Variants in ZNF507 observed in about 807,000 individuals in gnomAD.
ZNF507 encodes the protein zinc finger protein 507.
In ZNF507, 29 loss-of-function variants were observed where a neutral mutation model predicts 80.0. That is an observed-to-expected ratio of 0.36 (90% confidence interval 0.27 to 0.49). The LOEUF (loss-of-function observed/expected upper bound fraction) is 0.49. Among genes scored for constraint, ZNF507 ranks in the 20% least tolerant of loss-of-function variants. The pLI is 0.98. For missense variants in ZNF507, 1,081 were observed against 1,152.2 expected, an observed-to-expected ratio of 0.94 and a Z score of 0.90; for synonymous variants, 462 against 422.5, an observed-to-expected ratio of 1.09 and a Z score of -1.15.
Position 32,382,864 on chromosome 19 carries a change from G to GA in ZNF507, c.2646dup (p.Leu883ThrfsTer6). 6.2e-7 allele frequency: 1 copy of GA among 1,614,124 alleles called. No individual in the cohort carries two copies. Among genetic ancestry groups the GA allele is most frequent in the Non-Finnish European group, 8.5e-7 (1 of 1,180,020 alleles). On this transcript the variant is annotated frameshift_variant, in exon 7 of 7. Transcript: ENST00000355898. LOFTEE classifies it high-confidence loss of function. ...AAGTTCTGGGTACCAACGAGAATGAGAAACTGAGCCCTACAAGTAATACCT... is the reference window on the plus strand; with the variant it reads ...AAGTTCTGGGTACCAACGAGAATGAGAAAACTGAGCCCTACAAGTAATACCT...
At chr19:32,352,344 A>G (rs1967180686) in intron 2 of ZNF507, among the ~76,000 whole-genome samples, 1 of 152,206 alleles carries the variant, frequency 6.6e-6, no homozygotes, top group Admixed American at 6.5e-5. Flanking sequence ...AACTGCAGCT[A>G]TATTTGGTAT....
At chr19:32,362,091 G>A (rs1245192296) in intron 5 of ZNF507, among the ~76,000 whole-genome samples, 3 of 152,046 alleles carry the variant, frequency 2.0e-5, no homozygotes, top group South Asian at 4.2e-4. Context: ...AATTAGAGAC[G>A]GGGTTTCGCC....
At chr19:32,382,268 T>G (rs1445070654) in intron 5 of ZNF507, 199 bp from the exon 6 acceptor site, 2 of 501,198 alleles carry the variant, frequency 4.0e-6, no homozygotes, top group Non-Finnish European at 3.4e-6. Flanking sequence ...CCTTCTTTCA[T>G]TGATTCTAGG....
intron 2 of ZNF507, among the ~76,000 whole-genome samples, chr19:32,351,441 G>GTT (rs1439302382): frequency 7.2e-6 from 1 of 139,128 alleles, no homozygotes; most frequent in East Asian, 2.1e-4. Flanking sequence ...GTGTGTGTGT[G>GTT]TGTGTGTGTG....
chr19:32,350,298 C>T (rs750177845), intron 2 of ZNF507, among the ~76,000 whole-genome samples: 2 of 151,394 alleles, frequency 1.3e-5, no homozygotes, highest in Non-Finnish European at 2.9e-5. Flanking sequence ...TGTTTCCTGA[C>T]GTATTTCATG....
intron 5 of ZNF507, chr19:32,382,141 A>G (rs1967631522): frequency 5.0e-6 from 1 of 201,730 alleles, no homozygotes; most frequent in African/African-American, 2.3e-5. Flanking sequence ...ATGATTAAAT[A>G]ATTTAGAGCA....
chr19:32,360,591 G>A lies in ZNF507; in HGVS notation c.2333G>A (p.Arg778Gln), dbSNP rs555288271. The change falls in exon 5 of 7, where the codon CGA (arginine) becomes CAA (glutamine). Residue 778 changes from arginine (R) to glutamine (Q), a missense_variant. Arg to Gln is a conservative substitution (Grantham distance 43). Transcript: ENST00000355898. ...TATGTTGGTGTCAGAAACCACAGGC[G>A]AATCCATAACTCTGATAAGCCGTAC... ...TTYVGVRNHR[R>Q]IHNSDKPYRC... is the part of the protein sequence containing the mutation. The A allele has an allele frequency of 2.3e-5, 37 of 1,601,204 alleles. No individual in the cohort carries two copies. The highest frequency in any genetic ancestry group is 3.3e-4 in the Middle Eastern group (2 of 6,062).
chr19:32,352,984 A>G lies in ZNF507; in HGVS notation c.154A>G (p.Ser52Gly), dbSNP rs1278872072. The stretch of plus-strand genomic sequence containing the variant: ...ATTAATCCATGTTATCCAGAAGTTA[A>G]GCAAGATAGTGGAAAATGAAAAGTC... ...DPLIHVIQKL[S>G]KIVENEKSQK... Residue 52 changes from serine to glycine, a missense_variant, in exon 3 of 7, where the codon AGC (serine) becomes GGC (glycine). Around this residue, in one of 6 missense-constraint regions of ZNF507, gnomAD observed 275 missense variants for 303.9 expected, o/e 0.90. Coordinates refer to ENST00000355898, the MANE Select transcript of ZNF507 (RefSeq NM_001136156.2). 6.2e-7 allele frequency: 1 copy of G among 1,614,114 alleles called. No homozygotes were observed. Among genetic ancestry groups the G allele is most frequent in the Non-Finnish European group, 8.5e-7 (1 of 1,180,016 alleles).
intron 5 of ZNF507, among the ~76,000 whole-genome samples, chr19:32,377,604 C>G (rs1331485285): frequency 6.6e-6 from 1 of 152,150 alleles, no homozygotes; most frequent in Non-Finnish European, 1.5e-5. Flanking sequence ...ACCTAGGTGG[C>G]TTGCTGCCCA....
chr19:32,360,303 G>A (rs1967304535), intron 4 of ZNF507, among the ~76,000 whole-genome samples: 1 of 152,198 alleles, frequency 6.6e-6, no homozygotes, highest in Non-Finnish European at 1.5e-5. Context: ...TAGGTCAGAT[G>A]ATGTTCAGTT....
intron 4 of ZNF507, 59 bp downstream of exon 4, chr19:32,356,792 T>G (rs1367923791): frequency 2.3e-6 from 3 of 1,314,352 alleles, no homozygotes; most frequent in South Asian, 1.2e-5. Flanking sequence ...AAAAGTGCCC[T>G]TAGTTGTCAT....
At position 32,356,712 on chromosome 19, in the gene ZNF507, G is replaced by T. The variant is rs760878768; in HGVS notation, c.2224G>T (p.Asp742Tyr). ...GCCAAGAATTTCCAGTGATACAGCT[G>T]ATGGAAAATGTGTCCAGGAAGGTAT... ...NEPRISSDTA[D>Y]GKCVQEGNKS... The change falls in exon 4 of 7, where the codon GAT becomes TAT. Residue 742 changes from aspartate to tyrosine, a missense_variant. Coordinates refer to ENST00000355898, the MANE Select transcript of ZNF507 (RefSeq NM_001136156.2). The T allele has an allele frequency of 4.3e-6, 7 of 1,613,708 alleles. No individual in the cohort carries two copies. The South Asian group carries it at 5.5e-5, about 13-fold the overall frequency.
At position 32,386,692 on chromosome 19, in the gene ZNF507, C is replaced by T. The variant is rs1200391456; in HGVS notation, c.*3609C>T. On this transcript the variant is annotated 3_prime_UTR_variant, in exon 7 of 7. Transcript: ENST00000355898. ...CTCTAGGACTGTGTTCATGGGAGAG[C>T]AGTTCATCTGTTCAGAACAGTGAGG... 6.6e-6 allele frequency: 1 copy of T among 152,642 alleles called. No individual in the cohort carries two copies. The highest frequency in any genetic ancestry group is 1.9e-4 in the East Asian group (1 of 5,204). The allele number at this position is 152,642 out of a possible 1,614,324, so 9.5% of individuals were successfully genotyped here.
chr19:32,365,767 G>A (rs1442350968), intron 5 of ZNF507, among the ~76,000 whole-genome samples: 1 of 152,142 alleles, frequency 6.6e-6, no homozygotes, highest in African/African-American at 2.4e-5. Flanking sequence ...CAACTGTACT[G>A]TGCTTAGGTT....
At chr19:32,352,494 A>G (rs1036113918) in intron 2 of ZNF507, among the ~76,000 whole-genome samples, 6 of 142,018 alleles carry the variant, frequency 4.2e-5, no homozygotes, top group Non-Finnish European at 7.6e-5. Context: ...TTTTCTTGGC[A>G]TTGTGCAAAA....
At chr19:32,356,928 T>C in intron 4 of ZNF507, 195 bp downstream of exon 4, 1 of 561,636 alleles carries the variant, frequency 1.8e-6, no homozygotes, top group Non-Finnish European at 3.2e-6. Flanking sequence ...TACTAGGTCC[T>C]AGGTGAGAAG....
In ZNF507 at chr19:32,354,836, A is replaced by G; in HGVS notation, c.2006A>G (p.Tyr669Cys). Residue 669 changes from tyrosine (Y) to cysteine (C), a missense_variant, in exon 3 of 7, where the codon TAT becomes TGT. Transcript: ENST00000355898. ...HLRVHRQRQP[Y>C]QCPICEHIAD... ...CGAGTCCATCGACAGAGACAGCCTT[A>G]TCAGTGTCCTATCTGCGAGCACATA... 1 of 1,614,220 alleles carries G rather than the reference A, an allele frequency of 6.2e-7. No individual in the cohort carries two copies. The highest frequency in any genetic ancestry group is 8.5e-7 in the Non-Finnish European group (1 of 1,180,038).
intron 5 of ZNF507, among the ~76,000 whole-genome samples, chr19:32,377,902 G>C (rs986729527): frequency 5.9e-5 from 9 of 152,120 alleles, no homozygotes; most frequent in Non-Finnish European, 1.3e-4. Flanking sequence ...CCTGAGAGTG[G>C]GATGTGGGGA....
At chr19:32,349,100 G>A (rs1967130721) in intron 2 of ZNF507, among the ~76,000 whole-genome samples, 2 of 152,180 alleles carry the variant, frequency 1.3e-5, no homozygotes, top group Non-Finnish European at 2.9e-5. Context: ...GAAGGGTCTT[G>A]GAGAGCAGCC....
Sources: allele counts gnomAD v4.1 joint callset (sites outside exome capture counted in the v4.1 genomes callset), GRCh38; gene constraint gnomAD v4.1.1; regional missense constraint gnomAD v4.1.1; transcripts MANE v1.5; gene names NCBI Gene and HGNC (gene_info 2026-07-23, HGNC 2026-07-21).